ZDHHC9: variants seen among roughly 807,000 people sequenced by gnomAD.
ZDHHC9 encodes palmitoyltransferase ZDHHC9.
In ZDHHC9, 3 loss-of-function variants were observed where a neutral mutation model predicts 26.6. The observed-to-expected ratio is 0.11, with a 90% CI of 0.05 to 0.29. ZDHHC9 has a LOEUF of 0.29. Among genes scored for constraint, ZDHHC9 ranks in the 10% least tolerant of loss-of-function variants. The pLI is 1.00. For missense variants in ZDHHC9, 146 were observed against 296.4 expected, an observed-to-expected ratio of 0.49 and a Z score of 3.73; for synonymous variants, 111 against 109.4, an observed-to-expected ratio of 1.01 and a Z score of -0.09.
intron 3 of ZDHHC9, among the ~76,000 whole-genome samples, chrX:129,839,405 G>A (rs1328462687): frequency 1.8e-5 from 2 of 109,956 alleles, no homozygotes; most frequent in Non-Finnish European, 3.8e-5. Context: ...AGAGACGGGG[G>A]TTTTACCATG....
intron 4 of ZDHHC9, 38 bp downstream of exon 4, chrX:129,828,943 C>T (rs1326186882): frequency 9.9e-6 from 12 of 1,209,579 alleles, no homozygotes; most frequent in Non-Finnish European, 1.1e-6. Context: ...TAGGGCCACC[C>T]ACTACACAGC....
intron 9 of ZDHHC9, 57 bp downstream of exon 9, chrX:129,811,349 G>A (rs1927635139): frequency 9.8e-7 from 1 of 1,018,703 alleles, no homozygotes; most frequent in East Asian, 3.0e-5. Flanking sequence ...CAAGGTAACA[G>A]GATCAGGTTG....
intron 3 of ZDHHC9, among the ~76,000 whole-genome samples, chrX:129,833,168 T>C (rs1255576696): frequency 9.0e-6 from 1 of 111,600 alleles, no homozygotes; most frequent in Non-Finnish European, 1.9e-5. Context: ...ATTTTATAAA[T>C]GCAACCATGT....
At position 129,841,861 on chromosome X, in the gene ZDHHC9, C is replaced by T. The variant is rs773173211; in HGVS notation, c.85G>A (p.Val29Ile). 11 of 1,211,774 alleles carry T rather than the reference C, an allele frequency of 9.1e-6. No homozygotes were observed. In the Admixed American group the frequency reaches 1.1e-4, roughly 12 times the overall value. Reference protein sequence around the residue: ...GRNTFCCDGRVMMARQKGIFY... With the variant: ...GRNTFCCDGRIMMARQKGIFY... ...ATGCCCTTTTGCCGGGCCATCATGA[C>T]GCGGCCATCACAGCAAAAGGTGTTC... The change falls in exon 3 of 11, where the codon GTC becomes ATC. Residue 29 changes from valine (V) to isoleucine (I), a missense_variant. Coordinates refer to ENST00000357166, the MANE Select transcript of ZDHHC9 (RefSeq NM_016032.4).
chrX:129,839,060 A>G (rs1928321576), intron 3 of ZDHHC9, among the ~76,000 whole-genome samples: 1 of 111,593 alleles, frequency 9.0e-6, no homozygotes, highest in South Asian at 3.7e-4. Flanking sequence ...CAAGATTTGG[A>G]CTATCTTCCC....
At chrX:129,806,594 T>C (rs1255449980) in intron 10 of ZDHHC9, 108 bp from the exon 11 acceptor site, 1 of 665,997 alleles carries the variant, frequency 1.5e-6, no homozygotes, top group East Asian at 3.5e-5. Context: ...ATCACACTGA[T>C]GCTACAGATA....
At chrX:129,821,117 G>A (rs187657314) in intron 5 of ZDHHC9, among the ~76,000 whole-genome samples, 77 of 111,578 alleles carry the variant, frequency 6.9e-4, no homozygotes, top group African/African-American at 2.1e-3. Flanking sequence ...TCAGAATGGC[G>A]ATTATTAAAA....
At position 129,804,790 on chromosome X, in the gene ZDHHC9, T is replaced by C. The variant is rs957497065; in HGVS notation, c.*1580A>G. 2.7e-5 allele frequency: 3 copies of C among 111,751 alleles called. No individual in the cohort carries two copies. In the East Asian group the frequency reaches 8.4e-4, roughly 31 times the overall value. 9.2% of individuals were successfully genotyped at this position (111,751 alleles called of 1,213,427 possible). A position where few individuals can be genotyped will look rare whatever the true frequency, so the allele number is the denominator to read the frequency against. On this transcript the variant is annotated 3_prime_UTR_variant, in exon 11 of 11. Transcript: ENST00000357166. ...CAGCCCAGAATGTAGTATAGATCAA[T>C]GGAGAGTTTGGAACTACCTCTCCAA...
chrX:129,813,578 A>C (rs1257121633), intron 7 of ZDHHC9, 99 bp downstream of exon 7: 4 of 891,752 alleles, frequency 4.5e-6, no homozygotes, highest in Non-Finnish European at 6.6e-6. Context: ...GCACTCTCTG[A>C]TATCTGAAAA....
At chrX:129,816,848 T>C (rs961411703) in intron 5 of ZDHHC9, among the ~76,000 whole-genome samples, 1 of 111,491 alleles carries the variant, frequency 9.0e-6, no homozygotes, top group Non-Finnish European at 1.9e-5. Flanking sequence ...AATAGAAATG[T>C]ACACAGAAAT....
intron 4 of ZDHHC9, among the ~76,000 whole-genome samples, chrX:129,827,436 C>T: frequency 9.0e-6 from 1 of 111,116 alleles, no homozygotes; most frequent in South Asian, 3.8e-4. Context: ...CTTTTTCTTA[C>T]TCTGTCTAGC....
chrX:129,842,735 C>T (rs1294424601), intron 2 of ZDHHC9, among the ~76,000 whole-genome samples: 1 of 112,848 alleles, frequency 8.9e-6, no homozygotes, highest in East Asian at 2.8e-4. Flanking sequence ...ATCAAACCCT[C>T]TGCAACTTCC....
chrX:129,835,810 AAAAG>A (rs2124133448), intron 3 of ZDHHC9, among the ~76,000 whole-genome samples: 2 of 112,317 alleles, frequency 1.8e-5, no homozygotes, highest in Non-Finnish European at 3.8e-5. Context: ...AAAGAAAAGA[AAAAG>A]AAAGCAAACT....
At chrX:129,829,201 T>C (rs1928088544) in intron 3 of ZDHHC9, 60 bp from the exon 4 acceptor site, 3 of 1,151,175 alleles carry the variant, frequency 2.6e-6, no homozygotes, top group Non-Finnish European at 3.6e-6. Flanking sequence ...TCTCCAATTG[T>C]TACCAGTATG....
chrX:129,806,108 C>T lies in ZDHHC9; in HGVS notation c.*262G>A. ...GTCCAAGGGGACCCTGTGGCTGAGG[C>T]CATGGAGAACCAGTGCCAGGGCCCA... On this transcript the variant is annotated 3_prime_UTR_variant, in exon 11 of 11. Coordinates refer to ENST00000357166, the MANE Select transcript of ZDHHC9 (RefSeq NM_016032.4). 1 of 370,157 alleles carries T rather than the reference C, an allele frequency of 2.7e-6. No homozygotes were observed. The highest frequency in any genetic ancestry group is 4.9e-5 in the East Asian group (1 of 20,269). 30.5% of individuals were successfully genotyped at this position (370,157 alleles called of 1,213,427 possible). A position where few individuals can be genotyped will look rare whatever the true frequency, so the allele number is the denominator to read the frequency against.
intron 5 of ZDHHC9, among the ~76,000 whole-genome samples, chrX:129,815,793 AT>A (rs1274021549): frequency 8.9e-6 from 1 of 112,447 alleles, no homozygotes; most frequent in Non-Finnish European, 1.9e-5. Flanking sequence ...GTACCTGACT[AT>A]ATGAAAAGTT....
rs1435591447 is a variant in ZDHHC9, at chrX:129,804,568, T to A, written c.*1802A>T. 1.8e-5 allele frequency: 2 copies of A among 111,166 alleles called. No individual in the cohort carries two copies. Among genetic ancestry groups the A allele is most frequent in the African/African-American group, 6.5e-5 (2 of 30,558 alleles). The allele number at this position is 111,166 out of a possible 1,213,427, so 9.2% of individuals were successfully genotyped here. A position where few individuals can be genotyped will look rare whatever the true frequency, so the allele number is the denominator to read the frequency against. Reference sequence around the variant, plus strand: ...TTGTAAAAGACCACTGATCAAATATTTCCAAGGGGGGGCCCTGATGAGCCT... The same window carrying A: ...TTGTAAAAGACCACTGATCAAATATATCCAAGGGGGGGCCCTGATGAGCCT... On this transcript the variant is annotated 3_prime_UTR_variant, in exon 11 of 11. Transcript: ENST00000357166.
rs1172703320 is a variant in ZDHHC9, at chrX:129,817,451, T to TA, written c.488-2657dup. On this transcript the variant is annotated intron_variant, in intron 5 of 10. Coordinates refer to ENST00000357166, the MANE Select transcript of ZDHHC9 (RefSeq NM_016032.4). ...TGGGTGACAGAGTGAGACCCTGTCT[T>TA]AAAAAAAAAATCTATTATGGTAAAA... 4.8e-4 allele frequency among the ~76,000 whole-genome samples: 52 copies of TA among 108,294 alleles called. No homozygotes were observed. In the East Asian group the frequency reaches 6.1e-3, roughly 13 times the overall value. 94.0% of individuals were successfully genotyped at this position (108,294 alleles called of 115,157 possible). A position where few individuals can be genotyped will look rare whatever the true frequency, so the allele number is the denominator to read the frequency against.
chrX:129,837,645 G>T (rs906021945), intron 3 of ZDHHC9, among the ~76,000 whole-genome samples: 7 of 112,161 alleles, frequency 6.2e-5, no homozygotes, highest in African/African-American at 2.3e-4. Context: ...GTCTGACAGT[G>T]CCTTGATAAG....
Sources: allele counts gnomAD v4.1 joint callset (sites outside exome capture counted in the v4.1 genomes callset), GRCh38; gene constraint gnomAD v4.1.1; transcripts MANE v1.5; gene names NCBI Gene and HGNC (gene_info 2026-07-23, HGNC 2026-07-21).